Variants in MCPH1 observed in about 807,000 individuals in gnomAD.
The protein encoded by MCPH1 is microcephalin 1.
A neutral mutation model predicts 84.5 loss-of-function variants in MCPH1; 104 were observed. The observed-to-expected ratio is 1.23, with a 90% CI of 1.05 to 1.45. The LOEUF is 1.45. Among genes scored for constraint, MCPH1 ranks in the 40% most tolerant of loss-of-function variants. The pLI, the probability that MCPH1 is intolerant of heterozygous loss-of-function variation, is 0.00. For synonymous variants in MCPH1, 514 were observed against 366.8 expected, an observed-to-expected ratio of 1.40 and a Z score of -4.58; for missense variants, 1,498 against 1,005.7, an observed-to-expected ratio of 1.49 and a Z score of -6.62.
intron 12 of MCPH1, among the ~76,000 whole-genome samples, chr8:6,585,112 C>T (rs1409190267): frequency 1.3e-5 from 2 of 152,210 alleles, no homozygotes; most frequent in Admixed American, 6.5e-5. Context: ...CTGTATTTTT[C>T]TAATATTTTC....
intron 9 of MCPH1, among the ~76,000 whole-genome samples, chr8:6,466,136 T>TAC (rs1806907021): frequency 5.1e-5 from 7 of 137,204 alleles, no homozygotes; most frequent in African/African-American, 2.0e-4. Flanking sequence ...TGGATTTTTT[T>TAC]TTTTTTTTTT....
rs568216751 is a variant in MCPH1 at position 6,436,684 on chromosome 8, T to C, written c.436+522T>C. On this transcript the variant is annotated intron_variant, in intron 5 of 13. Transcript: ENST00000344683. Reference sequence around the variant, plus strand: ...ATAATATTTTTATATATAAGAATATTATGGGCTGGGCACAGTGGCTCACGC... The same window carrying C: ...ATAATATTTTTATATATAAGAATATCATGGGCTGGGCACAGTGGCTCACGC... 4.0e-5 allele frequency among the ~76,000 whole-genome samples: 6 copies of C among 151,432 alleles called. No homozygotes were observed. The East Asian group carries it at 9.7e-4, about 24-fold the overall frequency.
At chr8:6,466,836 A>G (rs773369907) in intron 9 of MCPH1, among the ~76,000 whole-genome samples, 1 of 152,202 alleles carries the variant, frequency 6.6e-6, no homozygotes, top group Non-Finnish European at 1.5e-5. Flanking sequence ...TTGGCCTTCC[A>G]AAGTGCTGGG....
intron 12 of MCPH1, chr8:6,521,342 T>C: frequency 2.5e-6 from 4 of 1,613,840 alleles, no homozygotes; most frequent in Non-Finnish European, 3.4e-6. Context: ...CTGATCTTTC[T>C]CTTCTTTTAT....
chr8:6,623,166 T>C (rs1347554572), intron 13 of MCPH1, among the ~76,000 whole-genome samples: 2 of 151,844 alleles, frequency 1.3e-5, no homozygotes, highest in Non-Finnish European at 2.9e-5. Context: ...GTGGCATCAT[T>C]TTAACTTGTC....
intron 12 of MCPH1, among the ~76,000 whole-genome samples, chr8:6,547,013 C>T (rs144760419): frequency 8.5e-5 from 13 of 152,214 alleles, no homozygotes; most frequent in African/African-American, 2.4e-4. Context: ...CGGTGTACCT[C>T]GGAAGAAGCG....
intron 12 of MCPH1, chr8:6,521,131 T>C (rs1817252964): frequency 6.7e-7 from 1 of 1,500,532 alleles, no homozygotes; most frequent in Non-Finnish European, 9.1e-7. Flanking sequence ...AGTGTTTTAC[T>C]GACTAAAGGT....
intron 12 of MCPH1, among the ~76,000 whole-genome samples, chr8:6,600,290 G>A (rs1205066140): frequency 6.6e-6 from 1 of 152,232 alleles, no homozygotes; most frequent in African/African-American, 2.4e-5. Flanking sequence ...GAGTGCAAGG[G>A]AGAGAGGGTC....
chr8:6,417,442 A>C (rs6559160), intron 3 of MCPH1, among the ~76,000 whole-genome samples: 47,184 of 152,062 alleles, frequency 0.31, 9,352 homozygotes, highest in African/African-American at 0.57. Flanking sequence ...GTAGTTTCCC[A>C]ATCCTTTCTG....
At chr8:6,576,723 T>TTTTTTG (rs1563148357) in intron 12 of MCPH1, among the ~76,000 whole-genome samples, 2 of 101,304 alleles carry the variant, frequency 2.0e-5, no homozygotes, top group African/African-American at 4.5e-5. Flanking sequence ...TTTTTTTTTT[T>TTTTTTG]TTTTAGTAGA....
intron 12 of MCPH1, among the ~76,000 whole-genome samples, chr8:6,581,184 G>C (rs955024294): frequency 3.3e-5 from 5 of 152,130 alleles, no homozygotes; most frequent in Admixed American, 2.6e-4. Flanking sequence ...CAAATACCAA[G>C]GGACAACTGT....
intron 13 of MCPH1, among the ~76,000 whole-genome samples, chr8:6,629,680 C>A (rs1284838554): frequency 6.6e-6 from 1 of 152,150 alleles, no homozygotes; most frequent in Non-Finnish European, 1.5e-5. Flanking sequence ...AAGCCACCCA[C>A]CCTGTGGCAT....
chr8:6,487,395 C>G (rs2442487), intron 11 of MCPH1, among the ~76,000 whole-genome samples: 17,081 of 152,146 alleles, frequency 0.11, 1,027 homozygotes, highest in African/African-American at 0.14. Flanking sequence ...CCGTTCACGC[C>G]TCTCATTTTA....
chr8:6,470,902 G>A (rs557169507), intron 9 of MCPH1, among the ~76,000 whole-genome samples: 1 of 152,336 alleles, frequency 6.6e-6, no homozygotes, highest in East Asian at 1.9e-4. Context: ...ACTAAGGGGT[G>A]TCTTTTCTAC....
chr8:6,546,888 AG>A (rs1822680491), intron 12 of MCPH1, among the ~76,000 whole-genome samples: 1 of 152,208 alleles, frequency 6.6e-6, no homozygotes, highest in Non-Finnish European at 1.5e-5. Context: ...ACCTTCATTA[AG>A]ATGTACCCTT....
chr8:6,444,429 A>G lies in MCPH1; in HGVS notation c.707A>G (p.Asp236Gly), dbSNP rs1375825658. ...YFAGGLHSSFDDLCGNSGCGN... is the reference protein window; with the variant it reads ...YFAGGLHSSFGDLCGNSGCGN... ...GCTGGTGGCTTACACTCATCTTTTG[A>G]TGATCTTTGTGGAAACTCAGGATGT... The change falls in exon 8 of 14, where the codon GAT becomes GGT. Residue 236 changes from aspartate (D) to glycine (G), a missense_variant. By Grantham distance (94) the Asp-to-Gly change is moderately conservative. Coordinates refer to ENST00000344683, the MANE Select transcript of MCPH1 (RefSeq NM_024596.5). 3.7e-6 allele frequency: 6 copies of G among 1,614,180 alleles called. No homozygotes were observed. The highest frequency in any genetic ancestry group is 1.1e-5 in the South Asian group (1 of 91,078).
chr8:6,480,387 G>A (rs976085699), intron 10 of MCPH1, among the ~76,000 whole-genome samples: 6 of 151,854 alleles, frequency 4.0e-5, no homozygotes, highest in African/African-American at 1.5e-4. Flanking sequence ...CCAAAGTGCC[G>A]GGATTACAGG....
At chr8:6,411,434 G>A (rs1326197937) in intron 2 of MCPH1, among the ~76,000 whole-genome samples, 2 of 152,194 alleles carry the variant, frequency 1.3e-5, no homozygotes, top group African/African-American at 4.8e-5. Context: ...ATTTTCAGCC[G>A]TAAAGTGCAA....
At chr8:6,444,173 C>T (rs925164782) in intron 7 of MCPH1, among the ~76,000 whole-genome samples, 6 of 152,004 alleles carry the variant, frequency 3.9e-5, no homozygotes, top group African/African-American at 1.4e-4. Flanking sequence ...CTTCTCTATC[C>T]CCACTGCTAT....
Sources: allele counts gnomAD v4.1 joint callset (sites outside exome capture counted in the v4.1 genomes callset), GRCh38; gene constraint gnomAD v4.1.1; transcripts MANE v1.5; gene names NCBI Gene and HGNC (gene_info 2026-07-23, HGNC 2026-07-21).